EEPD1: variants seen among roughly 807,000 people sequenced by gnomAD.
The protein encoded by EEPD1 is endonuclease/exonuclease/phosphatase family domain-containing protein 1.
Under a neutral mutation model 46.3 loss-of-function variants are expected in EEPD1, and 17 were observed. The ratio of observed to expected loss-of-function variants is 0.37; its 90% CI spans 0.25 to 0.55. EEPD1 has a LOEUF of 0.55. EEPD1 is among the 20% of genes least tolerant of loss of function. The pLI is 0.83. For synonymous variants in EEPD1, 313 were observed against 315.6 expected, an observed-to-expected ratio of 0.99 and a Z score of 0.09; for missense variants, 673 against 745.6, an observed-to-expected ratio of 0.90 and a Z score of 1.13.
chr7:36,184,451 G>T (rs1562677636), intron 2 of EEPD1, among the ~76,000 whole-genome samples: 1 of 152,130 alleles, frequency 6.6e-6, no homozygotes, highest in African/African-American at 2.4e-5. Flanking sequence ...CCCAGCATTG[G>T]TCTTATTTGA....
chr7:36,224,272 A>T (rs1562692898), intron 2 of EEPD1, among the ~76,000 whole-genome samples: 1 of 152,180 alleles, frequency 6.6e-6, no homozygotes, highest in African/African-American at 2.4e-5. Context: ...CAGTGGAGTG[A>T]AAGGTTTCAA....
intron 2 of EEPD1, among the ~76,000 whole-genome samples, chr7:36,163,100 A>AT (rs34506577): frequency 1.3e-4 from 19 of 151,262 alleles, no homozygotes; most frequent in East Asian, 7.8e-4. Flanking sequence ...ATTCAGTCTA[A>AT]TTTTTTTTTT....
intron 2 of EEPD1, among the ~76,000 whole-genome samples, chr7:36,167,797 C>T (rs567444934): frequency 6.6e-6 from 1 of 152,242 alleles, no homozygotes; most frequent in Admixed American, 6.5e-5. Context: ...CTCAGTGCAA[C>T]CTGTGCCTCC....
At chr7:36,283,810 G>T (rs888198044) in intron 4 of EEPD1, among the ~76,000 whole-genome samples, 3 of 152,214 alleles carry the variant, frequency 2.0e-5, no homozygotes, top group Non-Finnish European at 4.4e-5. Context: ...GAGGGTGGTT[G>T]TGCAGAGTCA....
At chr7:36,237,712 A>C (rs1786480052) in intron 2 of EEPD1, among the ~76,000 whole-genome samples, 1 of 152,140 alleles carries the variant, frequency 6.6e-6, no homozygotes, top group South Asian at 2.1e-4. Flanking sequence ...GCACTTTGGG[A>C]GGCCAAGGTG....
chr7:36,281,392 G>A (rs1406804267), intron 4 of EEPD1, among the ~76,000 whole-genome samples, 167 bp downstream of exon 4: 1 of 151,976 alleles, frequency 6.6e-6, no homozygotes, highest in Non-Finnish European at 1.5e-5. Context: ...CCTGGTTTTC[G>A]GTTCACGTTT....
At chr7:36,291,556 T>A (rs1787432226) in intron 6 of EEPD1, among the ~76,000 whole-genome samples, 1 of 152,206 alleles carries the variant, frequency 6.6e-6, no homozygotes. Context: ...CACTGATTTC[T>A]CCATGGTGTG....
intron 2 of EEPD1, among the ~76,000 whole-genome samples, chr7:36,231,855 G>C (rs1026254746): frequency 3.9e-5 from 6 of 152,112 alleles, no homozygotes; most frequent in African/African-American, 1.4e-4. Flanking sequence ...TTCCTCCCAG[G>C]GAGTATCTGA....
At chr7:36,201,388 G>A (rs1417137447) in intron 2 of EEPD1, among the ~76,000 whole-genome samples, 1 of 152,194 alleles carries the variant, frequency 6.6e-6, no homozygotes, top group African/African-American at 2.4e-5. Context: ...GAGAAGCTGG[G>A]TGAAGATTCC....
At chr7:36,187,215 CTTTT>C (rs1419279259) in intron 2 of EEPD1, among the ~76,000 whole-genome samples, 1 of 152,122 alleles carries the variant, frequency 6.6e-6, no homozygotes, top group Non-Finnish European at 1.5e-5. Context: ...CATCACTTTC[CTTTT>C]TTTATTTAAA....
intron 2 of EEPD1, among the ~76,000 whole-genome samples, chr7:36,179,527 C>A (rs1236433738): frequency 6.6e-6 from 1 of 151,628 alleles, no homozygotes; most frequent in Non-Finnish European, 1.5e-5. Context: ...TCGAGACCAG[C>A]CTGGCCAAGA....
chr7:36,173,364 TAA>T (rs1785124008), intron 2 of EEPD1, among the ~76,000 whole-genome samples: 1 of 139,282 alleles, frequency 7.2e-6, no homozygotes, highest in African/African-American at 2.7e-5. Context: ...CTGGGTGTGG[TAA>T]TGTGCACCTA....
At chr7:36,197,129 C>T (rs1349047363) in intron 2 of EEPD1, among the ~76,000 whole-genome samples, 14 of 147,742 alleles carry the variant, frequency 9.5e-5, no homozygotes, top group South Asian at 2.2e-4. Context: ...GGAGACCCTC[C>T]GCCTGGCAAC....
chr7:36,255,169 T>G (rs1786808024), intron 3 of EEPD1, among the ~76,000 whole-genome samples: 1 of 152,342 alleles, frequency 6.6e-6, no homozygotes, highest in South Asian at 2.1e-4. Context: ...ATTTTGGCTT[T>G]TGTTATCATT....
intron 6 of EEPD1, among the ~76,000 whole-genome samples, chr7:36,295,189 A>AG (rs61512422): frequency 6.6e-6 from 1 of 151,950 alleles, no homozygotes; most frequent in Non-Finnish European, 1.5e-5. Context: ...AAAGAAAAAA[A>AG]GAAAAAATAT....
chr7:36,179,740 G>T (rs1785241692), intron 2 of EEPD1, among the ~76,000 whole-genome samples: 1 of 151,494 alleles, frequency 6.6e-6, no homozygotes, highest in Non-Finnish European at 1.5e-5. Context: ...GGGCGTGGTG[G>T]CGCATGCCTG....
chr7:36,252,349 C>A (rs1229151870), intron 3 of EEPD1, among the ~76,000 whole-genome samples: 1 of 152,130 alleles, frequency 6.6e-6, no homozygotes, highest in East Asian at 1.9e-4. Flanking sequence ...CCCCGCCCCC[C>A]TCCATGTTTT....
intron 3 of EEPD1, among the ~76,000 whole-genome samples, chr7:36,276,992 A>G (rs1471117636): frequency 1.3e-5 from 2 of 152,248 alleles, no homozygotes; most frequent in African/African-American, 4.8e-5. Context: ...CTTTTACGTA[A>G]GAGTATTATT....
chr7:36,265,916 G>T (rs1473919369), intron 3 of EEPD1, among the ~76,000 whole-genome samples: 1 of 152,184 alleles, frequency 6.6e-6, no homozygotes, highest in Non-Finnish European at 1.5e-5. Flanking sequence ...GTTGTAACAG[G>T]CATGGCTGGC....
Sources: allele counts gnomAD v4.1 joint callset (sites outside exome capture counted in the v4.1 genomes callset), GRCh38; gene constraint gnomAD v4.1.1; transcripts MANE v1.5; gene names NCBI Gene and HGNC (gene_info 2026-07-23, HGNC 2026-07-21).